WDPCP: variants seen among roughly 807,000 people sequenced by gnomAD.
WDPCP encodes the protein WD repeat-containing and planar cell polarity effector protein fritz homolog.
A neutral mutation model predicts 93.1 loss-of-function variants in WDPCP; 71 were observed. The ratio of observed to expected loss-of-function variants is 0.76; its 90% CI spans 0.63 to 0.93. WDPCP has a LOEUF of 0.93. WDPCP is among the 40% of genes least tolerant of loss of function. The probability of loss-of-function intolerance (pLI) is 0.00; values close to 1 mark genes in which losing one functional copy is unlikely to be tolerated. For synonymous variants in WDPCP, 315 were observed against 315.0 expected, an observed-to-expected ratio of 1.00 and a Z score of 0.00; for missense variants, 844 against 887.4, an observed-to-expected ratio of 0.95 and a Z score of 0.62.
chr2:63,548,005 A>T (rs1405746745), intron 1 of WDPCP, among the ~76,000 whole-genome samples: 1 of 152,148 alleles, frequency 6.6e-6, no homozygotes, highest in Non-Finnish European at 1.5e-5. Flanking sequence ...ATTTGATTAT[A>T]TGAATGTATC....
chr2:63,637,097 T>A (rs908169623), intron 3 of WDPCP, among the ~76,000 whole-genome samples: 5 of 152,142 alleles, frequency 3.3e-5, no homozygotes. Flanking sequence ...CTCATGCCTG[T>A]AATCCCAGAA....
chr2:63,424,030 T>C (rs1157486178), intron 9 of WDPCP, among the ~76,000 whole-genome samples: 1 of 152,110 alleles, frequency 6.6e-6, no homozygotes, highest in East Asian at 1.9e-4. Context: ...ATAGGACTGC[T>C]GAGCACCAGG....
At chr2:63,531,287 C>A (rs1703822300) in intron 1 of WDPCP, among the ~76,000 whole-genome samples, 1 of 152,234 alleles carries the variant, frequency 6.6e-6, no homozygotes, top group Non-Finnish European at 1.5e-5. Context: ...CAAAAGGCAG[C>A]AGAAACTTCT....
chr2:63,405,871 A>C (rs1046479116), intron 9 of WDPCP, among the ~76,000 whole-genome samples: 2 of 152,114 alleles, frequency 1.3e-5, no homozygotes, highest in African/African-American at 4.8e-5. Context: ...AATTTTATAG[A>C]ACTGTACATC....
chr2:63,419,642 G>A (rs1342315039), intron 9 of WDPCP, among the ~76,000 whole-genome samples: 5 of 152,100 alleles, frequency 3.3e-5, no homozygotes, highest in African/African-American at 7.2e-5. Context: ...CATGATTGAC[G>A]CCAATCTCTG....
chr2:63,489,529 A>C (rs1433675634), intron 2 of WDPCP, among the ~76,000 whole-genome samples: 2 of 152,120 alleles, frequency 1.3e-5, no homozygotes, highest in African/African-American at 4.8e-5. Flanking sequence ...AAAGCTCCTT[A>C]GAAGAGTGAC....
intron 3 of WDPCP, chr2:63,604,997 T>C: frequency 3.3e-6 from 3 of 915,842 alleles, no homozygotes; most frequent in Non-Finnish European, 3.3e-6. Context: ...ACTTTCGGGA[T>C]CATAGTAAGC....
chr2:63,395,963 A>T (rs1334555982), intron 10 of WDPCP, among the ~76,000 whole-genome samples: 1 of 152,152 alleles, frequency 6.6e-6, no homozygotes, highest in South Asian at 2.1e-4. Flanking sequence ...TCCTGACCTC[A>T]GGTGATCCGC....
intron 1 of WDPCP, among the ~76,000 whole-genome samples, chr2:63,574,529 T>C (rs944579408): frequency 2.0e-5 from 3 of 152,214 alleles, no homozygotes; most frequent in Non-Finnish European, 2.9e-5. Context: ...ATTTTATTCA[T>C]TTATAGATTC....
At chr2:63,571,390 C>T (rs1208734688) in intron 1 of WDPCP, 2 of 462,482 alleles carry the variant, frequency 4.3e-6, no homozygotes, top group Admixed American at 2.4e-5. Context: ...CTGGAGTTCT[C>T]CATTCCTCAG....
chr2:63,389,044 G>A (rs1011045154), intron 10 of WDPCP, among the ~76,000 whole-genome samples: 1 of 151,970 alleles, frequency 6.6e-6, no homozygotes, highest in Non-Finnish European at 1.5e-5. Context: ...AAGAAATACA[G>A]AACACACCAC....
chr2:63,133,213 T>C (rs1454696569), intron 17 of WDPCP, among the ~76,000 whole-genome samples: 5 of 152,202 alleles, frequency 3.3e-5, no homozygotes, highest in Admixed American at 6.5e-5. Context: ...GGGGTCTTGA[T>C]GGTCTGTCAT....
intron 1 of WDPCP, among the ~76,000 whole-genome samples, chr2:63,517,462 T>C (rs1702627441): frequency 6.6e-6 from 1 of 152,094 alleles, no homozygotes; most frequent in South Asian, 2.1e-4. Context: ...TAGGATAAAA[T>C]GCAATAAGTC....
chr2:63,218,451 A>C (rs1677534602), intron 14 of WDPCP, among the ~76,000 whole-genome samples: 1 of 152,188 alleles, frequency 6.6e-6, no homozygotes, highest in South Asian at 2.1e-4. Context: ...TTTCTGTTTA[A>C]TATCTTAAAG....
At chr2:63,351,403 A>G (rs1689603422) in intron 12 of WDPCP, among the ~76,000 whole-genome samples, 1 of 151,986 alleles carries the variant, frequency 6.6e-6, no homozygotes, top group Admixed American at 6.6e-5. Context: ...CCTGATAGGT[A>G]GTTTTTCAAC....
chr2:63,470,145 G>A (rs1024086464), intron 6 of WDPCP, among the ~76,000 whole-genome samples: 1 of 152,128 alleles, frequency 6.6e-6, no homozygotes, highest in Non-Finnish European at 1.5e-5. Context: ...GTGGACTCCA[G>A]GGCTCCACTC....
chr2:63,425,165 A>C (rs1191334139), intron 9 of WDPCP, among the ~76,000 whole-genome samples: 2 of 152,350 alleles, frequency 1.3e-5, no homozygotes, highest in East Asian at 1.9e-4. Flanking sequence ...AAGCCTATTG[A>C]CTATACTCAA....
At chr2:63,566,460 T>C (rs1201251895) in intron 1 of WDPCP, among the ~76,000 whole-genome samples, 1 of 152,182 alleles carries the variant, frequency 6.6e-6, no homozygotes, top group Non-Finnish European at 1.5e-5. Flanking sequence ...ATGTCTCATG[T>C]CTCCCTAAAT....
intron 2 of WDPCP, among the ~76,000 whole-genome samples, chr2:63,784,519 C>T (rs1319726841): frequency 6.6e-6 from 1 of 151,926 alleles, no homozygotes; most frequent in Non-Finnish European, 1.5e-5. Context: ...AAAGACAACT[C>T]TTCAAAGATG....
Sources: gnomAD v4.1 joint callset for allele counts (sites outside exome capture counted in the v4.1 genomes callset) on GRCh38, gnomAD v4.1.1 for gene constraint, MANE v1.5 for transcripts, NCBI Gene and HGNC (gene_info 2026-07-23, HGNC 2026-07-21) for gene names.